Variants in RGPD3 observed in about 807,000 individuals in gnomAD.
The protein encoded by RGPD3 is RANBP2 like and GRIP domain containing 3, also known as ranBP2-like and GRIP domain-containing protein 3.
A neutral mutation model predicts 154.5 loss-of-function variants in RGPD3; 62 were observed. The observed-to-expected ratio is 0.40, with a 90% CI of 0.33 to 0.50. The LOEUF is 0.50. Among genes scored for constraint, RGPD3 ranks in the 20% least tolerant of loss-of-function variants. RGPD3 has a pLI of 0.59. For synonymous variants in RGPD3, 308 were observed against 607.0 expected (o/e 0.51, Z 7.24); for missense variants, 919 against 1,716.8 (o/e 0.54, Z 8.21).
chr2:106,427,348 C>G (rs1677233021), intron 18 of RGPD3, among the ~76,000 whole-genome samples: 1 of 151,510 alleles, frequency 6.6e-6, no homozygotes, highest in African/African-American at 2.4e-5. Flanking sequence ...CAGGATCTCT[C>G]AAGGAACACA....
At chr2:106,438,646 G>A (rs897504711) in intron 9 of RGPD3, among the ~76,000 whole-genome samples, 86 of 152,158 alleles carry the variant, frequency 5.7e-4, no homozygotes, top group African/African-American at 2.0e-3. Context: ...AGCCGGGCGT[G>A]GTGGTGGGCA....
chr2:106,450,244 G>A lies in RGPD3; in HGVS notation c.782+1961C>T, dbSNP rs1448929935. 1.3e-3 allele frequency among the ~76,000 whole-genome samples: 104 copies of A among 82,958 alleles called. 5 individuals are homozygous for A. The highest frequency in any genetic ancestry group is 6.3e-3 in the Middle Eastern group (1 of 158). 54.4% of individuals were successfully genotyped at this position (82,958 alleles called of 152,430 possible). On this transcript the variant is annotated intron_variant, in intron 6 of 22. Transcript: ENST00000409886. ...AATACAAAAAAATTAGCCGAGCGTG[G>A]TGGTGGGCGCCTGTAGTCCCAGCTA...
intron 1 of RGPD3, among the ~76,000 whole-genome samples, chr2:106,466,275 G>T (rs954872448): frequency 1.4e-4 from 22 of 152,012 alleles, no homozygotes; most frequent in Admixed American, 2.0e-4. Context: ...GCCGCCCACA[G>T]GACTGCGCCA....
At chr2:106,457,170 T>C (rs1678255103) in intron 3 of RGPD3, 47 bp from the exon 4 acceptor site, 1 of 1,579,248 alleles carries the variant, frequency 6.3e-7, no homozygotes, top group African/African-American at 1.4e-5. Flanking sequence ...ATTGTATGTA[T>C]GTATGTAGGA....
intron 6 of RGPD3, among the ~76,000 whole-genome samples, chr2:106,447,917 A>C (rs1677982663): frequency 6.6e-6 from 1 of 152,018 alleles, no homozygotes; most frequent in Admixed American, 6.6e-5. Context: ...AAAATAAACC[A>C]GGATAAAGTT....
At chr2:106,434,206 C>T (rs771098423) in intron 15 of RGPD3, 22 bp downstream of exon 15, 5 of 1,587,036 alleles carry the variant, frequency 3.2e-6, no homozygotes, top group Non-Finnish European at 4.3e-6. Context: ...TAAGAACGTA[C>T]ATACAACAAC....
At chr2:106,446,592 G>GGCCAGGCGC (rs1677943448) in intron 7 of RGPD3, among the ~76,000 whole-genome samples, 1 of 79,254 alleles carries the variant, frequency 1.3e-5, no homozygotes, top group Non-Finnish European at 2.7e-5. Context: ...AAAAAAAAAA[G>GGCCAGGCGC]GCCAGGCGCG....
At chr2:106,436,319 T>C (rs1288890882) in intron 11 of RGPD3, 73 bp from the exon 12 acceptor site, 6 of 1,610,812 alleles carry the variant, frequency 3.7e-6, no homozygotes, top group Admixed American at 3.3e-5. Flanking sequence ...TATATGTTAA[T>C]GGGTCACATG....
At chr2:106,460,259 C>G (rs1375741342) in intron 1 of RGPD3, among the ~76,000 whole-genome samples, 1 of 146,378 alleles carries the variant, frequency 6.8e-6, no homozygotes, top group African/African-American at 2.5e-5. Flanking sequence ...ACCACTCTCT[C>G]ACTTAACAAA....
At chr2:106,455,142 T>C in intron 4 of RGPD3, among the ~76,000 whole-genome samples, 1 of 152,112 alleles carries the variant, frequency 6.6e-6, no homozygotes, top group South Asian at 2.1e-4. Context: ...CACTCCAGCA[T>C]GGGCGACAGA....
chr2:106,463,300 T>A (rs1376182402), intron 1 of RGPD3, among the ~76,000 whole-genome samples: 12 of 151,990 alleles, frequency 7.9e-5, no homozygotes, highest in African/African-American at 2.9e-4. Context: ...TATGGTGAAA[T>A]CCCATCTCTA....
chr2:106,468,431 C>A (rs946466703), upstream of RGPD3: 7 of 1,484,294 alleles, frequency 4.7e-6, no homozygotes, highest in Non-Finnish European at 4.5e-6. Flanking sequence ...TTGTGTCCTG[C>A]GTCAACAGTG....
chr2:106,468,187 A>G (rs368207589), intron 1 of RGPD3, 30 bp downstream of exon 1: 142 of 1,585,320 alleles, frequency 9.0e-5, no homozygotes, highest in Non-Finnish European at 1.1e-4. Context: ...GGCCAGGTCG[A>G]GGCCGTCGGT....
Position 106,429,935 on chromosome 2 carries a change from G to A in RGPD3, c.2470-154C>T, listed in dbSNP as rs1677315900. Among the ~76,000 whole-genome samples, 3 of 151,502 alleles carry A rather than the reference G, an allele frequency of 2.0e-5. No homozygotes were observed. In the South Asian group the frequency reaches 6.3e-4, roughly 32 times the overall value. On this transcript the variant is annotated intron_variant, in intron 17 of 22. Transcript: ENST00000409886. ...GTCTCGATCTGTCGTCCAGGCTGGA[G>A]TGCAATGGCACAATCTTGGCTCACC...
rs1398179572 is a variant in RGPD3, at chr2:106,403,567, A to G, written c.*1652T>C. ...GGAGACTATATTTCAAAACAAGTTTATACAGACTTCAAAAGGTCTCAAGTC... is the reference window on the plus strand; with the variant it reads ...GGAGACTATATTTCAAAACAAGTTTGTACAGACTTCAAAAGGTCTCAAGTC... On this transcript the variant is annotated 3_prime_UTR_variant, in exon 23 of 23. Transcript: ENST00000409886. Among the ~76,000 whole-genome samples the G allele has an allele frequency of 2.0e-5, 3 of 152,280 alleles. No homozygotes were observed. Among genetic ancestry groups the G allele is most frequent in the East Asian group, 1.9e-4 (1 of 5,190 alleles).
At chr2:106,461,599 C>G (rs930092604) in intron 1 of RGPD3, among the ~76,000 whole-genome samples, 3 of 151,050 alleles carry the variant, frequency 2.0e-5, no homozygotes, top group African/African-American at 7.3e-5. Context: ...GTAAGTAAAA[C>G]CACGTAAGGC....
intron 4 of RGPD3, among the ~76,000 whole-genome samples, chr2:106,454,565 A>G (rs1678192548): frequency 1.3e-5 from 2 of 151,732 alleles, no homozygotes; most frequent in African/African-American, 4.9e-5. Flanking sequence ...TTTGCATGAC[A>G]GTTATAAATC....
intron 22 of RGPD3, among the ~76,000 whole-genome samples, chr2:106,406,663 A>T (rs1335929400): frequency 6.6e-6 from 1 of 151,676 alleles, no homozygotes; most frequent in Non-Finnish European, 1.5e-5. Flanking sequence ...CATATACCAC[A>T]TAATTCACCT....
intron 7 of RGPD3, among the ~76,000 whole-genome samples, chr2:106,442,514 C>G (rs1341918250): frequency 7.9e-6 from 1 of 126,136 alleles, no homozygotes; most frequent in African/African-American, 3.0e-5. Context: ...AAAAAAAAAG[C>G]ATGATGAATA....
Sources: allele counts gnomAD v4.1 joint callset (sites outside exome capture counted in the v4.1 genomes callset), GRCh38; gene constraint gnomAD v4.1.1; transcripts MANE v1.5; gene names NCBI Gene and HGNC (gene_info 2026-07-23, HGNC 2026-07-21).